The following DGKB variants were observed in gnomAD, a reference collection of about 807,000 sequenced individuals.
DGKB encodes diacylglycerol kinase beta.
In DGKB, 67 loss-of-function variants were observed where a neutral mutation model predicts 114.3. The observed-to-expected ratio is 0.59, with a 90% CI of 0.48 to 0.72. The LOEUF is 0.72. Among genes scored for constraint, DGKB ranks in the 30% least tolerant of loss-of-function variants. The pLI, the probability that DGKB is intolerant of heterozygous loss-of-function variation, is 0.00. For missense variants in DGKB, 907 were observed against 975.2 expected, an observed-to-expected ratio of 0.93 and a Z score of 0.93; for synonymous variants, 398 against 323.1, an observed-to-expected ratio of 1.23 and a Z score of -2.49.
chr7:14,959,873 T>C (rs10247748), intron 1 of DGKB, among the ~76,000 whole-genome samples: 4,888 of 152,154 alleles, frequency 0.032, 235 homozygotes, highest in African/African-American at 0.11. Flanking sequence ...CCTAAAAATA[T>C]CTAAATATGT....
At chr7:14,872,673 A>G (rs896511520) in intron 1 of DGKB, among the ~76,000 whole-genome samples, 7 of 152,082 alleles carry the variant, frequency 4.6e-5, no homozygotes, top group African/African-American at 1.7e-4. Flanking sequence ...CTTGTTTCAC[A>G]GACATTAGAT....
chr7:14,505,444 A>C (rs1786881530), intron 20 of DGKB, among the ~76,000 whole-genome samples: 1 of 149,418 alleles, frequency 6.7e-6, no homozygotes, highest in African/African-American at 2.5e-5. Flanking sequence ...ACAGAGTGAG[A>C]CTCCGTCTCG....
intron 23 of DGKB, among the ~76,000 whole-genome samples, chr7:14,226,074 T>C (rs1790757737): frequency 6.6e-6 from 1 of 151,942 alleles, no homozygotes; most frequent in Non-Finnish European, 1.5e-5. Flanking sequence ...GCTATAGATA[T>C]CCAAGGATTG....
chr7:14,720,193 T>C lies in DGKB; in HGVS notation c.323-1508A>G, dbSNP rs546239708. ...AACCTACTCATATTCTATCCTATTC[T>C]GAAAATTTTTCTCAAACACCATCTA... On this transcript the variant is annotated intron_variant, in intron 5 of 25. Coordinates refer to ENST00000402815, the MANE Select transcript of DGKB (RefSeq NM_001350709.2). Among the ~76,000 whole-genome samples, 5 of 152,316 alleles carry C rather than the reference T, an allele frequency of 3.3e-5. No homozygotes were observed. The East Asian group carries it at 9.6e-4, about 29-fold the overall frequency.
At chr7:14,451,948 G>T (rs914602967) in intron 21 of DGKB, among the ~76,000 whole-genome samples, 1 of 152,076 alleles carries the variant, frequency 6.6e-6, no homozygotes, top group Non-Finnish European at 1.5e-5. Context: ...TTTACTGCTT[G>T]TATTAAAGTT....
chr7:14,247,106 A>T (rs1794595825), intron 23 of DGKB, among the ~76,000 whole-genome samples: 1 of 152,094 alleles, frequency 6.6e-6, no homozygotes, highest in Non-Finnish European at 1.5e-5. Context: ...TTCTGTGTCT[A>T]GCTTATTAAC....
intron 23 of DGKB, among the ~76,000 whole-genome samples, chr7:14,236,387 T>C (rs1792787266): frequency 6.6e-6 from 1 of 151,406 alleles, no homozygotes; most frequent in Admixed American, 6.6e-5. Context: ...GGAAAATTAA[T>C]AGCAAAGGTA....
chr7:14,877,387 C>G (rs903495311), intron 1 of DGKB, among the ~76,000 whole-genome samples: 21 of 152,230 alleles, frequency 1.4e-4, no homozygotes, highest in African/African-American at 5.1e-4. Flanking sequence ...GAAACCCCGT[C>G]TCTACTGAAA....
At chr7:14,906,441 T>C (rs217605), upstream of DGKB, among the ~76,000 whole-genome samples, 23,368 of 139,516 alleles carry the variant, frequency 0.17, 2,030 homozygotes, top group Non-Finnish European at 0.19. Flanking sequence ...TTTTTCTTTT[T>C]TCTGTCTTTT....
At chr7:14,641,017 G>C (rs1256353838) in intron 13 of DGKB, among the ~76,000 whole-genome samples, 2 of 152,120 alleles carry the variant, frequency 1.3e-5, no homozygotes, top group Non-Finnish European at 2.9e-5. Context: ...AAATTTCTTT[G>C]AAAGGTGAAA....
At chr7:14,277,256 C>T (rs1240039873) in intron 23 of DGKB, among the ~76,000 whole-genome samples, 1 of 152,088 alleles carries the variant, frequency 6.6e-6, no homozygotes, top group Non-Finnish European at 1.5e-5. Context: ...CTGCAACCTC[C>T]ACCTCCCAGG....
intron 25 of DGKB, among the ~76,000 whole-genome samples, chr7:14,169,677 CAT>C (rs1294705453): frequency 2.0e-5 from 3 of 152,064 alleles, no homozygotes; most frequent in Non-Finnish European, 4.4e-5. Context: ...GTAAGATCAT[CAT>C]AGCTGTGTTG....
chr7:14,515,521 T>C (rs975577168), intron 20 of DGKB, among the ~76,000 whole-genome samples: 6 of 152,180 alleles, frequency 3.9e-5, no homozygotes, highest in Admixed American at 3.3e-4. Flanking sequence ...TACGTTTTCA[T>C]TTGCCTACTA....
chr7:14,219,212 A>G (rs1300521275), intron 23 of DGKB, among the ~76,000 whole-genome samples: 3 of 151,884 alleles, frequency 2.0e-5, no homozygotes, highest in African/African-American at 7.2e-5. Flanking sequence ...GCTATTATGA[A>G]TAATGTTGCT....
At chr7:14,820,071 T>A (rs1042660510) in intron 2 of DGKB, among the ~76,000 whole-genome samples, 5 of 152,172 alleles carry the variant, frequency 3.3e-5, no homozygotes, top group Non-Finnish European at 7.4e-5. Context: ...ACAATTTTTT[T>A]ATCTCTCTTT....
At chr7:14,657,298 G>A (rs932135534) in intron 13 of DGKB, among the ~76,000 whole-genome samples, 1 of 115,818 alleles carries the variant, frequency 8.6e-6, no homozygotes, top group Admixed American at 8.7e-5. Context: ...ATAAATAAAA[G>A]GCAGCTATCC....
At chr7:14,152,615 T>C (rs186029896) in intron 25 of DGKB, among the ~76,000 whole-genome samples, 2 of 152,050 alleles carry the variant, frequency 1.3e-5, no homozygotes, top group South Asian at 4.1e-4. Flanking sequence ...TCTTCCTGTT[T>C]CAAATTAAGA....
Position 14,630,237 on chromosome 7 carries a change from T to A in DGKB, c.1166A>T (p.Glu389Val), listed in dbSNP as rs747793056. 9 of 1,554,590 alleles carry A rather than the reference T, an allele frequency of 5.8e-6. No individual in the cohort carries two copies. Among genetic ancestry groups the A allele is most frequent in the Non-Finnish European group, 6.1e-6 (7 of 1,149,178 alleles). Residue 389 changes from glutamate (E) to valine (V), a missense_variant and splice_region_variant, in exon 14 of 26, where the codon GAG becomes GTG. Coordinates refer to ENST00000402815, the MANE Select transcript of DGKB (RefSeq NM_001350709.2). ...TLPTSGVSVP[E>V]ERQSTVKKEK... is the part of the protein sequence containing the mutation. ...GAAAACCTGTTTTTGCTTACGCACC[T>A]CAGGAACTGAAACTCCTGAAGTGGG...
chr7:14,182,635 G>A (rs1303508289), intron 23 of DGKB, among the ~76,000 whole-genome samples: 1 of 152,072 alleles, frequency 6.6e-6, no homozygotes, highest in East Asian at 1.9e-4. Context: ...AATTAGTGCT[G>A]CATTCATCTG....
Sources: gnomAD v4.1 joint callset for allele counts (sites outside exome capture counted in the v4.1 genomes callset) on GRCh38, gnomAD v4.1.1 for gene constraint, MANE v1.5 for transcripts, NCBI Gene and HGNC (gene_info 2026-07-23, HGNC 2026-07-21) for gene names.